The following TUB variants were observed in gnomAD, a reference collection of about 807,000 sequenced individuals.
TUB encodes TUB bipartite transcription factor.
Under a neutral mutation model 59.7 loss-of-function variants are expected in TUB, and 33 were observed. That is an observed-to-expected ratio of 0.55 (90% CI 0.42 to 0.74). The LOEUF is 0.74. Among genes scored for constraint, TUB ranks in the 30% least tolerant of loss-of-function variants. The pLI, the probability that TUB is intolerant of heterozygous loss-of-function variation, is 0.00. For missense variants in TUB, 659 were observed against 672.0 expected, an observed-to-expected ratio of 0.98 and a Z score of 0.21; for synonymous variants, 293 against 256.4, an observed-to-expected ratio of 1.14 and a Z score of -1.36.
At chr11:8,096,626 T>A (rs1944004930) in intron 5 of TUB, 59 bp from the exon 6 acceptor site, 6 of 1,158,848 alleles carry the variant, frequency 5.2e-6, no homozygotes, top group African/African-American at 3.0e-5. Context: ...ACCATGTGTA[T>A]TTCAGGGGCA....
intron 1 of TUB, among the ~76,000 whole-genome samples, chr11:8,032,664 C>A (rs763485006): frequency 7.5e-5 from 10 of 134,036 alleles, no homozygotes; most frequent in Non-Finnish European, 1.2e-4. Context: ...GGCACCTATC[C>A]TCCCTCCTCC....
intron 8 of TUB, 141 bp from the exon 9 acceptor site, chr11:8,098,617 C>T: frequency 1.6e-6 from 1 of 643,560 alleles, no homozygotes; most frequent in Non-Finnish European, 2.8e-6. Context: ...GATGTGGATT[C>T]AGTGAGCAGT....
chr11:8,058,760 A>G (rs1399533393), intron 2 of TUB, among the ~76,000 whole-genome samples: 2 of 152,252 alleles, frequency 1.3e-5, no homozygotes, highest in Admixed American at 6.5e-5. Flanking sequence ...AGCTGGAACT[A>G]CAGTAATTTG....
chr11:8,101,639 G>C lies in TUB; in HGVS notation c.*20G>C. The C allele has an allele frequency of 6.2e-7, 1 of 1,613,598 alleles. No individual in the cohort carries two copies. The highest frequency in any genetic ancestry group is 8.5e-7 in the Non-Finnish European group (1 of 1,179,770). On this transcript the variant is annotated 3_prime_UTR_variant, in exon 12 of 12. Transcript: ENST00000299506. ...GAGTAGAGGCCTCTTCGTGCCCTTT[G>C]GGGTTGCCCAGCCTGGAGCGGAGCT...
At chr11:8,020,494 T>G (rs570693458) in intron 1 of TUB, among the ~76,000 whole-genome samples, 1 of 152,138 alleles carries the variant, frequency 6.6e-6, no homozygotes, top group Non-Finnish European at 1.5e-5. Context: ...ATCCCATCTG[T>G]CTCCTCCATC....
At chr11:8,062,555 G>A (rs1343415624) in intron 2 of TUB, among the ~76,000 whole-genome samples, 1 of 151,800 alleles carries the variant, frequency 6.6e-6, no homozygotes, top group Admixed American at 6.6e-5. Flanking sequence ...ATGAGGGGTT[G>A]CAGTTTCTAC....
In TUB at chr11:8,101,667, C is replaced by T; in HGVS notation, c.*48C>T. The T allele has an allele frequency of 6.2e-7, 1 of 1,600,174 alleles. No individual in the cohort carries two copies. The highest frequency in any genetic ancestry group is 8.5e-7 in the Non-Finnish European group (1 of 1,173,652). On this transcript the variant is annotated 3_prime_UTR_variant, in exon 12 of 12. Transcript: ENST00000299506. Reference sequence around the variant, plus strand: ...GTTGCCCAGCCTGGAGCGGAGCTTGCCTGCCTGCCTGTGGAGACAGCCCTG... The same window carrying T: ...GTTGCCCAGCCTGGAGCGGAGCTTGTCTGCCTGCCTGTGGAGACAGCCCTG...
chr11:8,059,767 C>T (rs558160517), intron 2 of TUB, among the ~76,000 whole-genome samples: 21 of 152,138 alleles, frequency 1.4e-4, no homozygotes, highest in Middle Eastern at 3.4e-3. Flanking sequence ...TCCTTTGGAA[C>T]GAGGAGCAGT....
At chr11:8,057,704 C>G (rs1943042304) in intron 2 of TUB, among the ~76,000 whole-genome samples, 1 of 151,968 alleles carries the variant, frequency 6.6e-6, no homozygotes, top group Non-Finnish European at 1.5e-5. Context: ...TTTGTGGAGG[C>G]CTGGGGAGTT....
intron 2 of TUB, among the ~76,000 whole-genome samples, chr11:8,041,146 T>A (rs1007497956): frequency 1.3e-5 from 2 of 152,240 alleles, no homozygotes; most frequent in African/African-American, 4.8e-5. Context: ...TGTCTACAGC[T>A]GATGGCTGCC....
At chr11:8,097,604 T>A in intron 7 of TUB, 110 bp from the exon 8 acceptor site, 1 of 1,293,262 alleles carries the variant, frequency 7.7e-7, no homozygotes, top group East Asian at 2.3e-5. Flanking sequence ...TGTGTGCACA[T>A]ATGTGCGTTT....
At chr11:8,052,414 G>A (rs571541042) in intron 2 of TUB, among the ~76,000 whole-genome samples, 2 of 149,628 alleles carry the variant, frequency 1.3e-5, no homozygotes, top group South Asian at 4.2e-4. Flanking sequence ...GGCATTTCTT[G>A]TGAAGCTTCC....
chr11:8,090,030 G>T, intron 2 of TUB, 39 bp from the exon 3 acceptor site: 1 of 1,546,992 alleles, frequency 6.5e-7, no homozygotes, highest in Non-Finnish European at 8.7e-7. Flanking sequence ...GCCCTTCCTG[G>T]TGGAGGCAGT....
At position 8,094,031 on chromosome 11, in the gene TUB, A is replaced by G; in HGVS notation, c.254-15A>G. The G allele has an allele frequency of 6.2e-7, 1 of 1,613,956 alleles. No individual in the cohort carries two copies. Among genetic ancestry groups the G allele is most frequent in the Non-Finnish European group, 8.5e-7 (1 of 1,179,984 alleles). Reference sequence around the variant, plus strand: ...CCTGTTTCTCTCTCTCCATCTGGGGATGTTTCCTGAGCAGTTCAAGAGGCC... The same window carrying G: ...CCTGTTTCTCTCTCTCCATCTGGGGGTGTTTCCTGAGCAGTTCAAGAGGCC... On this transcript the variant is annotated splice_polypyrimidine_tract_variant and intron_variant, in intron 3 of 11. Transcript: ENST00000299506.
intron 2 of TUB, among the ~76,000 whole-genome samples, chr11:8,070,187 G>T (rs998966415): frequency 4.5e-5 from 6 of 134,666 alleles, no homozygotes; most frequent in African/African-American, 1.5e-4. Context: ...TTGGAATTTT[G>T]CTTTGAACTA....
intron 2 of TUB, among the ~76,000 whole-genome samples, chr11:8,072,046 ACTCT>A (rs1164406600): frequency 3.3e-5 from 5 of 152,186 alleles, no homozygotes; most frequent in Non-Finnish European, 5.9e-5. Flanking sequence ...GGAAGGGGCC[ACTCT>A]GCAGCAGCGG....
chr11:8,096,894 T>C lies in TUB; in HGVS notation c.687+88T>C, dbSNP rs144005794. 1.2e-3 allele frequency: 1,770 copies of C among 1,475,140 alleles called. 14 individuals carry two copies. In the African/African-American group the frequency reaches 0.022, roughly 19 times the overall value. 91.4% of individuals were successfully genotyped at this position (1,475,140 alleles called of 1,614,324 possible). A position where few individuals can be genotyped will look rare whatever the true frequency, so the allele number is the denominator to read the frequency against. On this transcript the variant is annotated intron_variant, in intron 6 of 11. Transcript: ENST00000299506. Reference sequence around the variant, plus strand: ...CTGCATGTGAAGAGATGGACTCGTATGCCTTTAGGAGCTTCTCTGCTGGCC... The same window carrying C: ...CTGCATGTGAAGAGATGGACTCGTACGCCTTTAGGAGCTTCTCTGCTGGCC...
At chr11:8,033,934 G>A (rs916329406), upstream of TUB, among the ~76,000 whole-genome samples, 5 of 152,224 alleles carry the variant, frequency 3.3e-5, no homozygotes, top group Non-Finnish European at 5.9e-5. Flanking sequence ...TTCTCTAGAC[G>A]GGCTGAAACG....
chr11:8,024,885 A>G (rs913907116), intron 1 of TUB, among the ~76,000 whole-genome samples: 2 of 152,224 alleles, frequency 1.3e-5, no homozygotes, highest in African/African-American at 4.8e-5. Context: ...ACTGCGCAGA[A>G]CTTGGATTTT....
Sources: gnomAD v4.1 joint callset for allele counts (sites outside exome capture counted in the v4.1 genomes callset) on GRCh38, gnomAD v4.1.1 for gene constraint, MANE v1.5 for transcripts, NCBI Gene and HGNC (gene_info 2026-07-23, HGNC 2026-07-21) for gene names.